TLCD4: variants seen among roughly 807,000 people sequenced by gnomAD.
TLCD4 encodes the protein TLC domain-containing protein 4.
Under a neutral mutation model 24.2 loss-of-function variants are expected in TLCD4, and 7 were observed. The ratio of observed to expected loss-of-function variants is 0.29; its 90% CI spans 0.16 to 0.54. TLCD4 has a LOEUF of 0.54. TLCD4 is among the 20% of genes least tolerant of loss of function. TLCD4 has a pLI of 0.95. For synonymous variants in TLCD4, 103 were observed against 106.4 expected, an observed-to-expected ratio of 0.97 and a Z score of 0.20; for missense variants, 259 against 313.9, an observed-to-expected ratio of 0.82 and a Z score of 1.32.
the TLCD4 span, among the ~76,000 whole-genome samples, chr1:95,095,901 A>G: frequency 1.3e-5 from 2 of 152,232 alleles, no homozygotes; most frequent in Non-Finnish European, 2.9e-5. Context: ...ATTACAACAT[A>G]TAAAGTACAC....
intron 5 of TLCD4, among the ~76,000 whole-genome samples, chr1:95,162,586 C>A (rs1571756905): frequency 6.6e-6 from 1 of 152,348 alleles, no homozygotes; most frequent in East Asian, 1.9e-4. Flanking sequence ...AGTACAGTTT[C>A]TTCATAGCAT....
At chr1:95,108,106 C>T in the TLCD4 span, among the ~76,000 whole-genome samples, 4 of 152,068 alleles carry the variant, frequency 2.6e-5, no homozygotes, top group Non-Finnish European at 2.9e-5. Flanking sequence ...AATTTTCTCT[C>T]GAGTGTCTGG....
chr1:95,126,441 A>G (rs978438999), intron 1 of TLCD4, among the ~76,000 whole-genome samples: 10 of 152,112 alleles, frequency 6.6e-5, no homozygotes, highest in African/African-American at 2.4e-4. Flanking sequence ...AGAAAAAAAA[A>G]AAAAAAGGCT....
chr1:95,154,234 G>A (rs1677569904), intron 5 of TLCD4, among the ~76,000 whole-genome samples: 2 of 152,154 alleles, frequency 1.3e-5, no homozygotes, highest in Admixed American at 1.3e-4. Flanking sequence ...ATGTCACCAA[G>A]TTCTTAAGTA....
At chr1:95,189,239 TAC>T (rs1380491884) in intron 6 of TLCD4, among the ~76,000 whole-genome samples, 1 of 152,214 alleles carries the variant, frequency 6.6e-6, no homozygotes, top group African/African-American at 2.4e-5. Flanking sequence ...ATTGCCTGTA[TAC>T]AGTTTCTTTT....
intron 1 of TLCD4, among the ~76,000 whole-genome samples, chr1:95,130,317 T>C (rs945709807): frequency 6.6e-6 from 1 of 152,138 alleles, no homozygotes; most frequent in Non-Finnish European, 1.5e-5. Context: ...CATACCCAGC[T>C]AATTTTTTGT....
the TLCD4 span, among the ~76,000 whole-genome samples, chr1:95,101,410 AGTGTGTGTGTGTGTGT>A: frequency 7.0e-6 from 1 of 142,630 alleles, no homozygotes; most frequent in Admixed American, 7.1e-5. Flanking sequence ...GACTAATTAA[AGTGTGTGTGTGTGTGT>A]GTGTGTGTGT....
At chr1:95,141,002 C>G (rs1047137059) in intron 1 of TLCD4, among the ~76,000 whole-genome samples, 2 of 152,154 alleles carry the variant, frequency 1.3e-5, no homozygotes, top group African/African-American at 4.8e-5. Flanking sequence ...CAGCTGTTCA[C>G]TAAGAGGCAA....
intron 5 of TLCD4, among the ~76,000 whole-genome samples, chr1:95,162,636 G>C (rs1325482708): frequency 6.6e-6 from 1 of 152,208 alleles, no homozygotes; most frequent in Non-Finnish European, 1.5e-5. Context: ...GCAGTGGTTA[G>C]TACTGGTTGT....
the TLCD4 span, among the ~76,000 whole-genome samples, chr1:95,097,689 G>C: frequency 4.6e-5 from 7 of 152,212 alleles, no homozygotes; most frequent in Non-Finnish European, 1.0e-4. Flanking sequence ...CAAAGGAACT[G>C]TATTGTAGAC....
intron 1 of TLCD4, among the ~76,000 whole-genome samples, chr1:95,133,989 A>G (rs573911362): frequency 1.6e-4 from 24 of 151,866 alleles, no homozygotes; most frequent in Admixed American, 1.4e-3. Flanking sequence ...GAATAGGGCT[A>G]ATGGGTTGGG....
chr1:95,135,115 A>C (rs2100922146), intron 1 of TLCD4, among the ~76,000 whole-genome samples: 1 of 152,294 alleles, frequency 6.6e-6, no homozygotes, highest in African/African-American at 2.4e-5. Context: ...ATTATTTTTA[A>C]CATATCTGAT....
chr1:95,094,024 A>G, the TLCD4 span, among the ~76,000 whole-genome samples: 2 of 152,196 alleles, frequency 1.3e-5, no homozygotes, highest in South Asian at 4.1e-4. Context: ...TTTGACCAAA[A>G]AAATGCATAA....
chr1:95,146,350 G>T (rs567670235), intron 2 of TLCD4, among the ~76,000 whole-genome samples: 5 of 151,854 alleles, frequency 3.3e-5, no homozygotes, highest in African/African-American at 1.2e-4. Context: ...CTATCACATT[G>T]AAAGTCTTAT....
At chr1:95,172,951 A>G (rs1370497558) in intron 5 of TLCD4, among the ~76,000 whole-genome samples, 4 of 152,208 alleles carry the variant, frequency 2.6e-5, no homozygotes, top group Non-Finnish European at 4.4e-5. Flanking sequence ...AAATTTTTAG[A>G]ATGTATACTT....
At chr1:95,188,965 T>G (rs1317821767) in intron 6 of TLCD4, among the ~76,000 whole-genome samples, 1 of 152,178 alleles carries the variant, frequency 6.6e-6, no homozygotes, top group African/African-American at 2.4e-5. Flanking sequence ...TGCTGACCTG[T>G]GTGTATACAC....
chr1:95,111,323 A>AAGAAAAG, the TLCD4 span, among the ~76,000 whole-genome samples: 6 of 128,224 alleles, frequency 4.7e-5, no homozygotes, highest in South Asian at 2.6e-4. Context: ...CAAAACAAAA[A>AAGAAAAG]AAAAGAAAAG....
In TLCD4 at chr1:95,161,289, G is replaced by A. The variant is rs1300847531; in HGVS notation, c.399+9870G>A. 9.2e-5 allele frequency among the ~76,000 whole-genome samples: 14 copies of A among 152,246 alleles called. No homozygotes were observed. The South Asian group carries it at 1.7e-3, about 18-fold the overall frequency. ...CTTCTAGATTTTCTAGTTTATTTGCGTAGAGGTGTTTATAGGATTCTCTGA... is the reference window on the plus strand; with the variant it reads ...CTTCTAGATTTTCTAGTTTATTTGCATAGAGGTGTTTATAGGATTCTCTGA... On this transcript the variant is annotated intron_variant, in intron 5 of 6. Coordinates refer to ENST00000370203, the MANE Select transcript of TLCD4 (RefSeq NM_152487.3).
upstream of TLCD4, among the ~76,000 whole-genome samples, chr1:95,113,046 T>C (rs1676368204): frequency 6.7e-6 from 1 of 148,430 alleles, no homozygotes; most frequent in Admixed American, 6.7e-5. Context: ...TTTCTTTCTT[T>C]TTTTTTTTTT....
Sources: allele counts gnomAD v4.1 joint callset (sites outside exome capture counted in the v4.1 genomes callset), GRCh38; gene constraint gnomAD v4.1.1; transcripts MANE v1.5; gene names NCBI Gene and HGNC (gene_info 2026-07-23, HGNC 2026-07-21).